The following ICE2 variants were observed in gnomAD, a reference collection of about 807,000 sequenced individuals.
ICE2 encodes the protein little elongation complex subunit 2.
A neutral mutation model predicts 105.4 loss-of-function variants in ICE2; 87 were observed. The observed-to-expected ratio is 0.83, with a 90% CI of 0.69 to 0.99. The LOEUF (loss-of-function observed/expected upper bound fraction) is 0.99, where lower values mean the gene tolerates loss of function less well. Ranked by LOEUF, ICE2 falls within the 50% of genes least tolerant of loss-of-function variation. The pLI is 0.00. For missense variants in ICE2, 1,323 were observed against 1,146.7 expected, an observed-to-expected ratio of 1.15 and a Z score of -2.22; for synonymous variants, 399 against 392.0, an observed-to-expected ratio of 1.02 and a Z score of -0.21.
chr15:60,438,521 G>A (rs1050258594), intron 12 of ICE2: 6 of 152,000 alleles, frequency 3.9e-5, no homozygotes, highest in East Asian at 1.9e-4. Flanking sequence ...AAGACATATC[G>A]TAATGATTTA....
chr15:60,455,759 A>T (rs2064091513), intron 6 of ICE2, among the ~76,000 whole-genome samples: 1 of 152,090 alleles, frequency 6.6e-6, no homozygotes, highest in Non-Finnish European at 1.5e-5. Flanking sequence ...CTGGGATAAC[A>T]GGTGTGTGCC....
intron 4 of ICE2, among the ~76,000 whole-genome samples, 157 bp from the exon 5 acceptor site, chr15:60,466,870 A>G (rs1328454170): frequency 6.6e-6 from 1 of 152,274 alleles, no homozygotes; most frequent in East Asian, 1.9e-4. Flanking sequence ...ATTATGCAGT[A>G]ATGATAAACT....
chr15:60,455,499 A>T, intron 6 of ICE2, 57 bp from the exon 7 acceptor site: 1 of 1,110,230 alleles, frequency 9.0e-7, no homozygotes, highest in Non-Finnish European at 1.4e-6. Flanking sequence ...TTTTTCTAAG[A>T]AAAGTATCTT....
intron 9 of ICE2, chr15:60,452,102 G>A (rs942853197): frequency 2.0e-6 from 2 of 985,118 alleles, no homozygotes; most frequent in Non-Finnish European, 2.4e-6. Flanking sequence ...GTTTCTTCTT[G>A]TTACTGCCTG....
chr15:60,479,078 G>T lies in ICE2; in HGVS notation c.-168C>A, dbSNP rs2064860793. 1 of 448,988 alleles carries T rather than the reference G, an allele frequency of 2.2e-6. No homozygotes were observed. The highest frequency in any genetic ancestry group is 2.0e-5 in the African/African-American group (1 of 49,804). 27.8% of individuals were successfully genotyped at this position (448,988 alleles called of 1,614,324 possible). A position where few individuals can be genotyped will look rare whatever the true frequency, so the allele number is the denominator to read the frequency against. Reference sequence around the variant, plus strand: ...GCTCCACCCCACTCCTCACATTGTCGCGCGCGCCCAAAAAAGACCATATTT... The same window carrying T: ...GCTCCACCCCACTCCTCACATTGTCTCGCGCGCCCAAAAAAGACCATATTT... On this transcript the variant is annotated 5_prime_UTR_variant, in exon 1 of 16. Coordinates refer to ENST00000261520, the MANE Select transcript of ICE2 (RefSeq NM_024611.6).
intron 11 of ICE2, among the ~76,000 whole-genome samples, chr15:60,445,999 T>C (rs1016913930): frequency 1.3e-5 from 2 of 152,280 alleles, no homozygotes; most frequent in South Asian, 4.1e-4. Context: ...CAGGAAAAAT[T>C]AGCAAATAAA....
At chr15:60,452,049 A>C (rs2063978999) in intron 9 of ICE2, 2 of 981,248 alleles carry the variant, frequency 2.0e-6, no homozygotes, top group South Asian at 9.4e-5. Flanking sequence ...ACCATTACTG[A>C]AAGAAGCCAC....
chr15:60,464,964 A>G (rs987685096), intron 5 of ICE2, among the ~76,000 whole-genome samples: 3 of 152,188 alleles, frequency 2.0e-5, no homozygotes, highest in Non-Finnish European at 4.4e-5. Context: ...GGATTGTGCC[A>G]CTGCACTCCA....
chr15:60,450,371 T>C (rs2063937155), intron 9 of ICE2, among the ~76,000 whole-genome samples: 1 of 152,194 alleles, frequency 6.6e-6, no homozygotes, highest in Non-Finnish European at 1.5e-5. Context: ...AAACAACTCT[T>C]AGCAATAAAA....
intron 3 of ICE2, among the ~76,000 whole-genome samples, chr15:60,470,337 T>C (rs1303362108): frequency 6.6e-6 from 1 of 152,002 alleles, no homozygotes; most frequent in Admixed American, 6.6e-5. Flanking sequence ...TGATCAGGGA[T>C]TAAGGGAAAG....
chr15:60,462,738 T>C (rs991394439), intron 5 of ICE2, among the ~76,000 whole-genome samples: 6 of 152,106 alleles, frequency 3.9e-5, no homozygotes, highest in Admixed American at 1.3e-4. Flanking sequence ...TCCCTCTCTC[T>C]CTCCCTCTAT....
intron 12 of ICE2, chr15:60,441,531 A>T (rs563503822): frequency 6.6e-6 from 1 of 152,192 alleles, no homozygotes; most frequent in African/African-American, 2.4e-5. Context: ...TTATTGTCTA[A>T]CAGGAAGAAG....
chr15:60,449,198 C>A lies in ICE2; in HGVS notation c.1769G>T (p.Gly590Val), dbSNP rs1239895752. The A allele has an allele frequency of 6.2e-7, 1 of 1,614,056 alleles. No homozygotes were observed. The highest frequency in any genetic ancestry group is 1.7e-5 in the Admixed American group (1 of 60,008). ...GTTAGAACCCACAACAGCTGTCTTT[C>A]CATCACTATTATTTTTACATTCTGT... is the stretch of plus-strand genomic sequence containing the variant. Reference protein sequence around the residue: ...IDTECKNNSDGKTAVVGSNLS... With the variant: ...IDTECKNNSDVKTAVVGSNLS... Residue 590 changes from glycine to valine, a missense_variant, in exon 10 of 16, where the codon GGA (glycine) becomes GTA (valine). Transcript: ENST00000261520.
chr15:60,423,856 C>G, intron 15 of ICE2, 94 bp from the exon 16 acceptor site: 1 of 1,123,472 alleles, frequency 8.9e-7, no homozygotes, highest in Admixed American at 3.1e-5. Context: ...TATTAACCAC[C>G]TTGCAAATAA....
At chr15:60,458,525 A>G (rs1013037388) in intron 5 of ICE2, among the ~76,000 whole-genome samples, 2 of 152,168 alleles carry the variant, frequency 1.3e-5, no homozygotes, top group African/African-American at 4.8e-5. Context: ...AAAACCTATG[A>G]AAGGTGAGGT....
At chr15:60,446,927 A>C (rs2063834753) in intron 11 of ICE2, among the ~76,000 whole-genome samples, 1 of 151,974 alleles carries the variant, frequency 6.6e-6, no homozygotes, top group African/African-American at 2.4e-5. Flanking sequence ...CCTCAAGAAA[A>C]ATTAAAGGAA....
intron 11 of ICE2, 65 bp from the exon 12 acceptor site, chr15:60,442,610 C>A: frequency 7.7e-7 from 1 of 1,299,082 alleles, no homozygotes; most frequent in Non-Finnish European, 1.1e-6. Context: ...AATACATTTG[C>A]CTATACAGCT....
intron 9 of ICE2, chr15:60,451,592 T>C: frequency 1.0e-6 from 1 of 984,958 alleles, no homozygotes; most frequent in Non-Finnish European, 1.2e-6. Flanking sequence ...AAAAGCATTA[T>C]CATCCTCTCA....
chr15:60,471,242 A>G (rs937451573), intron 3 of ICE2, among the ~76,000 whole-genome samples: 4 of 151,978 alleles, frequency 2.6e-5, no homozygotes, highest in Non-Finnish European at 5.9e-5. Context: ...TAACACAGGT[A>G]AAAAAAAGAC....
Sources: gnomAD v4.1 joint callset for allele counts (sites outside exome capture counted in the v4.1 genomes callset) on GRCh38, gnomAD v4.1.1 for gene constraint, MANE v1.5 for transcripts, NCBI Gene and HGNC (gene_info 2026-07-23, HGNC 2026-07-21) for gene names.